Variants in FRMD3 observed in about 807,000 individuals in gnomAD.
FRMD3 encodes FERM domain-containing protein 3.
Under a neutral mutation model 70.2 loss-of-function variants are expected in FRMD3, and 33 were observed. That is an observed-to-expected ratio of 0.47 (90% CI 0.36 to 0.63). The LOEUF (loss-of-function observed/expected upper bound fraction) is 0.63. FRMD3 is among the 20% of genes least tolerant of loss of function. The pLI, the probability that FRMD3 is intolerant of heterozygous loss-of-function variation, is 0.00. For missense variants in FRMD3, 632 were observed against 711.4 expected (o/e 0.89, Z 1.27); for synonymous variants, 279 against 255.9 (o/e 1.09, Z -0.86).
Position 83,259,731 on chromosome 9 carries a change from G to A in FRMD3, c.1196-11215C>T, listed in dbSNP as rs139207374. Among the ~76,000 whole-genome samples, 365 of 152,232 alleles carry A rather than the reference G, an allele frequency of 2.4e-3. 2 individuals are homozygous for A. Among genetic ancestry groups the A allele is most frequent in the African/African-American group, 8.4e-3 (349 of 41,534 alleles). On this transcript the variant is annotated intron_variant, in intron 13 of 13. Coordinates refer to ENST00000304195, the MANE Select transcript of FRMD3 (RefSeq NM_174938.6). ...TGACAACCACAGCTCAAGCACATGT[G>A]AAACTGTCAGGTCTCTATAGATGTC...
rs548918789 is a variant in FRMD3 at position 83,359,877 on chromosome 9, G to A, written c.296-10120C>T. Among the ~76,000 whole-genome samples the A allele has an allele frequency of 9.2e-5, 14 of 152,188 alleles. No homozygotes were observed. In the East Asian group the frequency reaches 1.5e-3, roughly 17 times the overall value. ...TGAGTTCATGACTGCAAAGCACTTC[G>A]CAGCCTGCTGAGACCTGTGGACTGA... On this transcript the variant is annotated intron_variant, in intron 3 of 13. Transcript: ENST00000304195.
chr9:83,573,578 A>G, the FRMD3 span, among the ~76,000 whole-genome samples: 46 of 152,262 alleles, frequency 3.0e-4, 1 homozygote, highest in African/African-American at 1.1e-3. Context: ...CCTGAACACA[A>G]CTAGTCTCTC....
chr9:83,487,350 C>T (rs931470763), intron 1 of FRMD3, among the ~76,000 whole-genome samples: 2 of 152,160 alleles, frequency 1.3e-5, no homozygotes, highest in Non-Finnish European at 2.9e-5. Context: ...TCTTCCCTCC[C>T]CCAAAAAACA....
intron 1 of FRMD3, among the ~76,000 whole-genome samples, chr9:83,474,154 C>T (rs867778871): frequency 4.6e-5 from 7 of 152,140 alleles, no homozygotes; most frequent in Non-Finnish European, 4.4e-5. Flanking sequence ...CTACCGCATC[C>T]TTCAAATTTG....
At chr9:83,411,608 G>T (rs570816271) in intron 1 of FRMD3, among the ~76,000 whole-genome samples, 1 of 152,342 alleles carries the variant, frequency 6.6e-6, no homozygotes, top group South Asian at 2.1e-4. Context: ...GTGGAGTGGG[G>T]ATTCCCCCTT....
At chr9:83,282,772 G>GCTT (rs1169522375) in intron 13 of FRMD3, among the ~76,000 whole-genome samples, 4 of 152,218 alleles carry the variant, frequency 2.6e-5, no homozygotes, top group Admixed American at 6.5e-5. Flanking sequence ...CCACTGCTAT[G>GCTT]CTTCCACTGC....
At chr9:83,271,668 T>A (rs1833556371) in intron 13 of FRMD3, among the ~76,000 whole-genome samples, 1 of 152,220 alleles carries the variant, frequency 6.6e-6, no homozygotes, top group Non-Finnish European at 1.5e-5. Flanking sequence ...TGGAAATGCA[T>A]AAGATGCTTT....
intron 1 of FRMD3, among the ~76,000 whole-genome samples, chr9:83,507,392 G>T (rs1267911999): frequency 1.4e-5 from 2 of 143,870 alleles, no homozygotes; most frequent in Admixed American, 7.1e-5. Flanking sequence ...AAAAGGCTGG[G>T]TGTGGTGGCT....
intron 3 of FRMD3, among the ~76,000 whole-genome samples, chr9:83,358,775 T>C (rs113230498): frequency 0.013 from 2,025 of 152,204 alleles, 41 homozygotes; most frequent in African/African-American, 0.045. Flanking sequence ...CTGTTGCCTA[T>C]ATTCCTGTTG....
At chr9:83,559,783 T>C in the FRMD3 span, among the ~76,000 whole-genome samples, 1 of 152,208 alleles carries the variant, frequency 6.6e-6, no homozygotes, top group Non-Finnish European at 1.5e-5. Context: ...GATATTTCTA[T>C]ATATAAATTA....
chr9:83,458,624 A>T (rs1430778023), intron 1 of FRMD3, among the ~76,000 whole-genome samples: 1 of 152,252 alleles, frequency 6.6e-6, no homozygotes, highest in African/African-American at 2.4e-5. Flanking sequence ...TGACAGGCGG[A>T]CTGGTCCTAA....
At chr9:83,573,275 G>A in the FRMD3 span, among the ~76,000 whole-genome samples, 1 of 151,532 alleles carries the variant, frequency 6.6e-6, no homozygotes, top group African/African-American at 2.4e-5. Context: ...AGATGGTGGA[G>A]AAGGAGGAGA....
intron 1 of FRMD3, among the ~76,000 whole-genome samples, chr9:83,443,589 C>T (rs113258679): frequency 3.0e-4 from 46 of 152,194 alleles, no homozygotes; most frequent in African/African-American, 1.0e-3. Flanking sequence ...TGAATAGTGC[C>T]GCAATAAACA....
At chr9:83,293,008 T>C (rs949572242) in intron 12 of FRMD3, among the ~76,000 whole-genome samples, 4 of 152,206 alleles carry the variant, frequency 2.6e-5, no homozygotes, top group African/African-American at 9.7e-5. Flanking sequence ...AGGTGACTGA[T>C]GGCCAGGGTC....
chr9:83,310,586 T>C, intron 8 of FRMD3, 38 bp from the exon 9 acceptor site: 1 of 1,536,690 alleles, frequency 6.5e-7, no homozygotes. Context: ...AGAAAAAAAG[T>C]GGCAGCTAAC....
chr9:83,527,343 C>T (rs953156960), intron 1 of FRMD3, among the ~76,000 whole-genome samples: 10 of 152,084 alleles, frequency 6.6e-5, no homozygotes, highest in African/African-American at 2.4e-4. Context: ...CATTCCATAC[C>T]CAGCAACAGT....
intron 13 of FRMD3, among the ~76,000 whole-genome samples, chr9:83,280,779 G>A (rs1342317661): frequency 6.6e-6 from 1 of 152,116 alleles, no homozygotes; most frequent in Non-Finnish European, 1.5e-5. Flanking sequence ...TTATGAAGAG[G>A]TGATAAAAAT....
At chr9:83,328,906 T>A (rs1166807230) in intron 6 of FRMD3, among the ~76,000 whole-genome samples, 1 of 152,250 alleles carries the variant, frequency 6.6e-6, no homozygotes, top group African/African-American at 2.4e-5. Flanking sequence ...TTTAGCTCTA[T>A]GCATAAGTTA....
At chr9:83,263,887 G>A (rs1443543901) in intron 13 of FRMD3, among the ~76,000 whole-genome samples, 2 of 152,078 alleles carry the variant, frequency 1.3e-5, no homozygotes, top group Non-Finnish European at 1.5e-5. Context: ...CTTGCATGAG[G>A]ACAATGTTAA....
Sources: gnomAD v4.1 joint callset for allele counts (sites outside exome capture counted in the v4.1 genomes callset) on GRCh38, gnomAD v4.1.1 for gene constraint, MANE v1.5 for transcripts, NCBI Gene and HGNC (gene_info 2026-07-23, HGNC 2026-07-21) for gene names.